Variants in MAJIN observed in about 807,000 individuals in gnomAD.
MAJIN encodes the protein membrane-anchored junction protein.
In MAJIN, 27 loss-of-function variants were observed where a neutral mutation model predicts 30.2. That is an observed-to-expected ratio of 0.89 (90% CI 0.66 to 1.23). The LOEUF is 1.23. MAJIN is among the 50% of genes most tolerant of loss of function. MAJIN has a pLI of 0.00. For synonymous variants in MAJIN, 78 were observed against 91.6 expected (o/e 0.85, Z 0.85); for missense variants, 253 against 260.3 (o/e 0.97, Z 0.19).
intron 8 of MAJIN, among the ~76,000 whole-genome samples, chr11:64,943,605 C>T (rs1334622858): frequency 6.6e-6 from 1 of 152,236 alleles, no homozygotes; most frequent in African/African-American, 2.4e-5. Flanking sequence ...TTCCTGGGAA[C>T]AGGGTCCATG....
chr11:64,955,991 AC>A (rs1945625170), intron 3 of MAJIN, among the ~76,000 whole-genome samples: 1 of 152,130 alleles, frequency 6.6e-6, no homozygotes, highest in Non-Finnish European at 1.5e-5. Flanking sequence ...ACGTGGTGAA[AC>A]CCTGTCTCTA....
intron 1 of MAJIN, among the ~76,000 whole-genome samples, chr11:64,964,868 G>T (rs1440685303): frequency 6.6e-6 from 1 of 152,150 alleles, no homozygotes; most frequent in Non-Finnish European, 1.5e-5. Flanking sequence ...TTACAGGTGT[G>T]AGCCACTGCA....
At chr11:64,968,673 TA>T (rs970723416) in intron 1 of MAJIN, among the ~76,000 whole-genome samples, 1 of 150,118 alleles carries the variant, frequency 6.7e-6, no homozygotes, top group Non-Finnish European at 1.5e-5. Context: ...CTACTAAAAA[TA>T]AAAAAAAATT....
At chr11:64,947,053 A>G (rs1198545193) in intron 8 of MAJIN, among the ~76,000 whole-genome samples, 2 of 152,224 alleles carry the variant, frequency 1.3e-5, no homozygotes, top group Non-Finnish European at 2.9e-5. Context: ...CTGAGACTTC[A>G]TAAGTCCTGT....
rs775287477 is a variant in MAJIN, at chr11:64,947,783, C to T, written c.381+5G>A. 1 of 1,612,578 alleles carries T rather than the reference C, an allele frequency of 6.2e-7. No individual in the cohort carries two copies. Among genetic ancestry groups the T allele is most frequent in the Non-Finnish European group, 8.5e-7 (1 of 1,179,280 alleles). ...TTTCATTTTGTACAGAAAAGGCAAA[C>T]TTACCAACCCAAGAGGACTGTCACT... On this transcript the variant is annotated splice_donor_5th_base_variant and intron_variant, in intron 7 of 10. Transcript: ENST00000301896.
intron 10 of MAJIN, among the ~76,000 whole-genome samples, chr11:64,939,446 T>G (rs1013189129): frequency 1.3e-5 from 2 of 152,188 alleles, no homozygotes; most frequent in African/African-American, 4.8e-5. Flanking sequence ...CACATCAGGG[T>G]GGAGGTGGGT....
intron 1 of MAJIN, among the ~76,000 whole-genome samples, chr11:64,961,303 G>A (rs1945719203): frequency 6.6e-6 from 1 of 151,022 alleles, no homozygotes; most frequent in Admixed American, 6.6e-5. Flanking sequence ...GAGTAGCAGG[G>A]ACTACAAGCA....
At chr11:64,969,492 TAA>T (rs746932402) in intron 1 of MAJIN, among the ~76,000 whole-genome samples, 11 of 138,854 alleles carry the variant, frequency 7.9e-5, no homozygotes, top group Admixed American at 1.4e-4. Context: ...GGCTGTGACT[TAA>T]AAAAAAAAAA....
intron 8 of MAJIN, among the ~76,000 whole-genome samples, chr11:64,944,161 A>C (rs1165208956): frequency 6.6e-6 from 1 of 152,268 alleles, no homozygotes; most frequent in Non-Finnish European, 1.5e-5. Flanking sequence ...TTTAGAAATG[A>C]AAATAACTTC....
chr11:64,948,579 A>T (rs1945486993), intron 6 of MAJIN, among the ~76,000 whole-genome samples: 1 of 109,082 alleles, frequency 9.2e-6, no homozygotes, highest in African/African-American at 3.4e-5. Flanking sequence ...ACAGGCATGC[A>T]CCACCACCAT....
At chr11:64,968,763 T>C (rs538668779) in intron 1 of MAJIN, among the ~76,000 whole-genome samples, 1 of 146,674 alleles carries the variant, frequency 6.8e-6, no homozygotes, top group Non-Finnish European at 1.5e-5. Flanking sequence ...ACCCAGGAGG[T>C]GGAGCTCGCA....
intron 4 of MAJIN, among the ~76,000 whole-genome samples, chr11:64,952,045 G>A (rs778536498): frequency 2.6e-5 from 4 of 151,920 alleles, no homozygotes; most frequent in East Asian, 1.9e-4. Context: ...ACACCACCAC[G>A]CCCAGCTAAT....
Position 64,966,874 on chromosome 11 carries a change from T to C in MAJIN, c.-65+5003A>G, listed in dbSNP as rs180977080. Among the ~76,000 whole-genome samples, 364 of 144,198 alleles carry C rather than the reference T, an allele frequency of 2.5e-3. 1 individual carries two copies. The highest frequency in any genetic ancestry group is 2.7e-3 in the Non-Finnish European group (181 of 66,578). 94.6% of individuals were successfully genotyped at this position (144,198 alleles called of 152,430 possible). Reference sequence around the variant, plus strand: ...ACTTGAACCCGGGAGATGGAGGTTGTAGTGAGCTGAGAACACACCATTGCA... The same window carrying C: ...ACTTGAACCCGGGAGATGGAGGTTGCAGTGAGCTGAGAACACACCATTGCA... On this transcript the variant is annotated intron_variant, in intron 1 of 10. Transcript: ENST00000301896.
intron 1 of MAJIN, among the ~76,000 whole-genome samples, chr11:64,966,892 C>T (rs1945819093): frequency 6.7e-6 from 1 of 149,560 alleles, no homozygotes; most frequent in African/African-American, 2.5e-5. Context: ...TGAGAACACA[C>T]CATTGCACTC....
At chr11:64,947,528 C>T in intron 7 of MAJIN, 63 bp from the exon 8 acceptor site, 2 of 1,510,046 alleles carry the variant, frequency 1.3e-6, no homozygotes, top group Middle Eastern at 1.7e-4. Context: ...TTCATGAAGG[C>T]ACAGTGAAGA....
chr11:64,958,473 C>G (rs989872446), intron 3 of MAJIN, among the ~76,000 whole-genome samples: 3 of 151,358 alleles, frequency 2.0e-5, no homozygotes, highest in Non-Finnish European at 4.4e-5. Flanking sequence ...TTAAAATTAG[C>G]CTGGTGTGGT....
intron 1 of MAJIN, among the ~76,000 whole-genome samples, chr11:64,961,596 C>T (rs1945726770): frequency 6.6e-6 from 1 of 151,072 alleles, no homozygotes. Flanking sequence ...CTGCCTCAGC[C>T]TCCAGAGTAG....
chr11:64,943,573 C>T (rs575831204), intron 8 of MAJIN, among the ~76,000 whole-genome samples: 1 of 152,300 alleles, frequency 6.6e-6, no homozygotes, highest in East Asian at 1.9e-4. Context: ...ACTGTGATCA[C>T]CTTAATTTAG....
chr11:64,941,147 G>GT (rs1227275122), intron 8 of MAJIN, among the ~76,000 whole-genome samples: 1 of 151,896 alleles, frequency 6.6e-6, no homozygotes, highest in Admixed American at 6.6e-5. Context: ...CAGGACTGTC[G>GT]TTTTTTCATT....
Sources: allele counts gnomAD v4.1 joint callset (sites outside exome capture counted in the v4.1 genomes callset), GRCh38; gene constraint gnomAD v4.1.1; transcripts MANE v1.5; gene names NCBI Gene and HGNC (gene_info 2026-07-23, HGNC 2026-07-21).